ZNF316: variants seen among roughly 807,000 people sequenced by gnomAD.
ZNF316 encodes the protein zinc finger protein 316.
In ZNF316, 23 loss-of-function variants were observed where a neutral mutation model predicts 75.6. The observed-to-expected ratio is 0.30, with a 90% CI of 0.22 to 0.43. The LOEUF (loss-of-function observed/expected upper bound fraction) is 0.43. Among genes scored for constraint, ZNF316 ranks in the 20% least tolerant of loss-of-function variants. ZNF316 has a pLI of 1.00. For missense variants in ZNF316, 1,266 were observed against 1,409.4 expected, an observed-to-expected ratio of 0.90 and a Z score of 1.63; for synonymous variants, 827 against 666.2, an observed-to-expected ratio of 1.24 and a Z score of -3.72.
At chr7:6,647,472 GAGA>G (rs766886633) in intron 8 of ZNF316, among the ~76,000 whole-genome samples, 2 of 152,374 alleles carry the variant, frequency 1.3e-5, no homozygotes, top group African/African-American at 4.8e-5. Flanking sequence ...TCCCCCGTGA[GAGA>G]AGATCTCCCT....
chr7:6,649,578 C>A (rs897377176), intron 8 of ZNF316, among the ~76,000 whole-genome samples: 1 of 152,174 alleles, frequency 6.6e-6, no homozygotes, highest in Non-Finnish European at 1.5e-5. Flanking sequence ...AGGATGTTCC[C>A]GTGGACTTCG....
chr7:6,654,536 C>T lies in ZNF316; in HGVS notation c.2940C>T (p.Gly980=), dbSNP rs566514426. 1.4e-5 allele frequency: 16 copies of T among 1,181,542 alleles called. No homozygotes were observed. The Admixed American group carries it at 5.0e-4, about 37-fold the overall frequency. 73.2% of individuals were successfully genotyped at this position (1,181,542 alleles called of 1,614,324 possible). ...ERGSALLEFA[G]GTSFGSEHQA... is the part of the protein sequence containing the mutation. The stretch of plus-strand genomic sequence containing the variant: ...GCAGCGCCCTGCTGGAGTTCGCGGG[C>T]GGCACAAGCTTCGGCTCCGAGCACC... The change falls in exon 9 of 9, where the codon GGC becomes GGT. Residue 980 remains glycine (G), a synonymous_variant. Transcript: ENST00000382252.
In ZNF316 at chr7:6,655,216, A is replaced by G. The variant is rs1779599170; in HGVS notation, c.*605A>G. ...AACTTGAAACTTGTCGTCTGCGGAT[A>G]TTTATTTCCACTTCTTGTATGGCCT... is the stretch of plus-strand genomic sequence containing the variant. On this transcript the variant is annotated 3_prime_UTR_variant, in exon 9 of 9. Coordinates refer to ENST00000382252, the MANE Select transcript of ZNF316 (RefSeq NM_001278559.2). The G allele has an allele frequency of 2.0e-5, 3 of 152,188 alleles. No homozygotes were observed. The highest frequency in any genetic ancestry group is 6.5e-5 in the Admixed American group (1 of 15,278). The allele number at this position is 152,188 out of a possible 1,614,324, so 9.4% of individuals were successfully genotyped here. A position where few individuals can be genotyped will look rare whatever the true frequency, so the allele number is the denominator to read the frequency against.
rs148615334 is a variant in ZNF316, at chr7:6,642,989, C to T, written c.381C>T (p.Ala127=). ...EKGLQASRAP[A]TPRDEDLEEE... is the part of the protein sequence containing the mutation. Reference sequence around the variant, plus strand: ...GCCTGCAGGCCTCCCGGGCTCCAGCCACTCCTAGGGATGAGGACCTGGAGG... The same window carrying T: ...GCCTGCAGGCCTCCCGGGCTCCAGCTACTCCTAGGGATGAGGACCTGGAGG... Residue 127 remains alanine, a synonymous_variant, in exon 6 of 9, where the codon GCC becomes GCT. Transcript: ENST00000382252. The surrounding 1 kb of genome is among the most constrained non-coding windows in gnomAD (Gnocchi z 8.1). The T allele has an allele frequency of 6.4e-4, 792 of 1,232,950 alleles. 5 individuals carry two copies. In the African/African-American group the frequency reaches 0.011, roughly 17 times the overall value. 76.4% of individuals were successfully genotyped at this position (1,232,950 alleles called of 1,614,324 possible). A position where few individuals can be genotyped will look rare whatever the true frequency, so the allele number is the denominator to read the frequency against.
Position 6,653,090 on chromosome 7 carries a change from C to G in ZNF316, c.1494C>G (p.Ala498=), listed in dbSNP as rs1019024505. The change falls in exon 9 of 9, where the codon GCC becomes GCG. Residue 498 remains alanine, a synonymous_variant. Transcript: ENST00000382252. ...PDCGQAFRLR[A]DFQRHRRGGG... is the part of the protein sequence containing the mutation. ...GCGGCCAGGCCTTCCGCCTGCGCGC[C>G]GACTTCCAGCGCCACCGACGCGGCG... 8 of 1,193,462 alleles carry G rather than the reference C, an allele frequency of 6.7e-6. No individual in the cohort carries two copies. The highest frequency in any genetic ancestry group is 8.3e-6 in the Non-Finnish European group (8 of 964,236). The allele number at this position is 1,193,462 out of a possible 1,614,324, so 73.9% of individuals were successfully genotyped here.
chr7:6,656,316 C>T lies in ZNF316; in HGVS notation c.*1705C>T, dbSNP rs1779625590. The stretch of plus-strand genomic sequence containing the variant: ...GGTGGGCTTGGGGGGCTCTGGGAAT[C>T]TCAGCTCTAGCCCTGTATGGCCAGG... On this transcript the variant is annotated 3_prime_UTR_variant, in exon 9 of 9. Coordinates refer to ENST00000382252, the MANE Select transcript of ZNF316 (RefSeq NM_001278559.2). 6.6e-6 allele frequency: 1 copy of T among 152,228 alleles called. No individual in the cohort carries two copies. 9.4% of individuals were successfully genotyped at this position (152,228 alleles called of 1,614,324 possible).
At chr7:6,652,013 G>T (rs886611185) in intron 8 of ZNF316, among the ~76,000 whole-genome samples, 2 of 152,114 alleles carry the variant, frequency 1.3e-5, no homozygotes, top group African/African-American at 4.8e-5. Flanking sequence ...CCGGCGGTCT[G>T]GAAGAGATGT....
At chr7:6,644,705 G>A (rs992857419) in intron 8 of ZNF316, 112 bp downstream of exon 8, 73 of 524,176 alleles carry the variant, frequency 1.4e-4, no homozygotes, top group Non-Finnish European at 2.0e-4. Context: ...CTCTGACTGC[G>A]CCTCTGCCTT....
intron 2 of ZNF316, among the ~76,000 whole-genome samples, chr7:6,638,656 CG>C (rs1779261231): frequency 6.6e-6 from 1 of 152,204 alleles, no homozygotes; most frequent in East Asian, 1.9e-4. Flanking sequence ...GGTTTGGGGC[CG>C]GGTGAGGTGG....
At position 6,642,929 on chromosome 7, in the gene ZNF316, C is replaced by A. The variant is rs1221586602; in HGVS notation, c.356-35C>A. ...CTCCTGGCCCTGCAGGCTGGGGGCTCAGGGCAGCTGGCCCTAAGAGATCTC... is the reference window on the plus strand; with the variant it reads ...CTCCTGGCCCTGCAGGCTGGGGGCTAAGGGCAGCTGGCCCTAAGAGATCTC... On this transcript the variant is annotated intron_variant, in intron 5 of 8. Coordinates refer to ENST00000382252, the MANE Select transcript of ZNF316 (RefSeq NM_001278559.2). The surrounding 1 kb of genome is among the most constrained non-coding windows in gnomAD (Gnocchi z 8.1). 1 of 1,232,156 alleles carries A rather than the reference C, an allele frequency of 8.1e-7. No individual in the cohort carries two copies. The highest frequency in any genetic ancestry group is 1.6e-5 in the African/African-American group (1 of 64,324). 76.3% of individuals were successfully genotyped at this position (1,232,156 alleles called of 1,614,324 possible).
chr7:6,642,073 T>G lies in ZNF316; in HGVS notation c.-29+111T>G, dbSNP rs1223232951. ...GTGGATAAAGACTGGGATAAATGCC[T>G]GATTTACTCCAGGAAAGAGCAGCAG... On this transcript the variant is annotated intron_variant, in intron 4 of 8. Transcript: ENST00000382252. This position sits in a 1 kb window ranked among gnomAD's most constrained non-coding sequence, Gnocchi z 8.1. 4.2e-6 allele frequency: 1 copy of G among 239,440 alleles called. No homozygotes were observed. The highest frequency in any genetic ancestry group is 7.8e-5 in the East Asian group (1 of 12,758). 14.8% of individuals were successfully genotyped at this position (239,440 alleles called of 1,614,324 possible). A position where few individuals can be genotyped will look rare whatever the true frequency, so the allele number is the denominator to read the frequency against.
At chr7:6,646,519 C>T (rs1435457316) in intron 8 of ZNF316, among the ~76,000 whole-genome samples, 2 of 152,190 alleles carry the variant, frequency 1.3e-5, no homozygotes, top group African/African-American at 4.8e-5. Flanking sequence ...GTGCACCTGG[C>T]TGGGGTTTGA....
chr7:6,644,459 C>A (rs1056703727), intron 7 of ZNF316, 21 bp from the exon 8 acceptor site: 3 of 1,223,666 alleles, frequency 2.5e-6, no homozygotes, highest in Non-Finnish European at 3.1e-6. Context: ...CGCCTGCAGC[C>A]GCCGTCTGTT....
rs1474123575 is a variant in ZNF316, at chr7:6,640,036, CAG to C, written c.-167+896_-167+897del. Among the ~76,000 whole-genome samples, 1 of 152,128 alleles carries C rather than the reference CAG, an allele frequency of 6.6e-6. No homozygotes were observed. Among genetic ancestry groups the C allele is most frequent in the Non-Finnish European group, 1.5e-5 (1 of 68,030 alleles). On this transcript the variant is annotated intron_variant, in intron 3 of 8. Transcript: ENST00000382252. The surrounding 1 kb of genome is among the most constrained non-coding windows in gnomAD (Gnocchi z 5.1). ...AACTAGAAAGGGGGCTGGAGCCAGT[CAG>C]GGGGCACGTGTGACCTTCGGGACAG...
At chr7:6,646,097 G>C (rs533108672) in intron 8 of ZNF316, among the ~76,000 whole-genome samples, 1 of 152,022 alleles carries the variant, frequency 6.6e-6, no homozygotes, top group South Asian at 2.1e-4. Context: ...CTCCCACCAG[G>C]TCCCTCCCTT....
chr7:6,642,671 G>A lies in ZNF316; in HGVS notation c.262G>A (p.Glu88Lys). The A allele has an allele frequency of 1.6e-6, 2 of 1,236,896 alleles. No individual in the cohort carries two copies. The highest frequency in any genetic ancestry group is 2.0e-6 in the Non-Finnish European group (2 of 991,320). The allele number at this position is 1,236,896 out of a possible 1,614,324, so 76.6% of individuals were successfully genotyped here. Residue 88 changes from glutamate to lysine, a missense_variant, in exon 5 of 9, where the codon GAG becomes AAG. By Grantham distance (56) the Glu-to-Lys change is moderately conservative (BLOSUM62 1). This residue lies in a region of ZNF316 where 961 missense variants were observed against 990.9 expected (regional missense o/e 0.97). Transcript: ENST00000382252. The surrounding 1 kb of genome is among the most constrained non-coding windows in gnomAD (Gnocchi z 8.1). ...EADVEEEDVK[E>K]VLAEEECPAL... ...GGACGTGGAGGAGGAGGATGTGAAG[G>A]AGGTGCTGGCAGAGGAGGAGTGTCC...
In ZNF316 at chr7:6,651,814, A is replaced by C. The variant is rs921196563; in HGVS notation, c.707-489A>C. ...TGACAAAGGCAGGTCTTCTGTGGAC[A>C]GGGCCGCCGGCTGCGCTGTCTTCCA... On this transcript the variant is annotated intron_variant, in intron 8 of 8. Transcript: ENST00000382252. Among the ~76,000 whole-genome samples the C allele has an allele frequency of 4.6e-5, 7 of 152,372 alleles. No individual in the cohort carries two copies. The South Asian group carries it at 1.2e-3, about 27-fold the overall frequency.
At chr7:6,641,086 C>T (rs1242434341) in intron 3 of ZNF316, among the ~76,000 whole-genome samples, 1 of 152,334 alleles carries the variant, frequency 6.6e-6, no homozygotes, top group East Asian at 1.9e-4. Flanking sequence ...GAGAGCTAAT[C>T]ACGGAGCAGC....
chr7:6,646,278 G>A (rs1318624622), intron 8 of ZNF316, among the ~76,000 whole-genome samples: 1 of 152,208 alleles, frequency 6.6e-6, no homozygotes, highest in African/African-American at 2.4e-5. Flanking sequence ...GTTTCAGTCA[G>A]GAGGGCTCTG....
Sources: gnomAD v4.1 joint callset for allele counts (sites outside exome capture counted in the v4.1 genomes callset) on GRCh38, gnomAD v4.1.1 for gene constraint, gnomAD v4.1.1 regional missense constraint, Gnocchi (gnomAD v3.1) non-coding constraint, MANE v1.5 for transcripts, NCBI Gene and HGNC (gene_info 2026-07-23, HGNC 2026-07-21) for gene names.